The following CDYL variants were observed in gnomAD, a reference collection of about 807,000 sequenced individuals.
CDYL encodes the protein chromodomain Y-like protein.
In CDYL, 8 loss-of-function variants were observed where a neutral mutation model predicts 47.3. The ratio of observed to expected loss-of-function variants is 0.17; its 90% CI spans 0.10 to 0.31. CDYL has a LOEUF of 0.31. Among genes scored for constraint, CDYL ranks in the 10% least tolerant of loss-of-function variants. CDYL has a pLI of 1.00. For synonymous variants in CDYL, 266 were observed against 265.0 expected, an observed-to-expected ratio of 1.00 and a Z score of -0.04; for missense variants, 471 against 701.4, an observed-to-expected ratio of 0.67 and a Z score of 3.71.
intron 2 of CDYL, among the ~76,000 whole-genome samples, chr6:4,906,137 C>T (rs1757227166): frequency 6.6e-6 from 1 of 152,194 alleles, no homozygotes; most frequent in South Asian, 2.1e-4. Context: ...GAAAGTCTGC[C>T]TCTCCCATGG....
At chr6:4,863,522 G>A (rs1289442871) in intron 1 of CDYL, among the ~76,000 whole-genome samples, 2 of 152,234 alleles carry the variant, frequency 1.3e-5, no homozygotes, top group South Asian at 4.1e-4. Context: ...AGCTAACTAG[G>A]TATTGTTTGA....
intron 2 of CDYL, among the ~76,000 whole-genome samples, chr6:4,897,323 C>G (rs1038971702): frequency 6.6e-6 from 1 of 152,248 alleles, no homozygotes; most frequent in Non-Finnish European, 1.5e-5. Context: ...GCCAACAGAC[C>G]TAGTAGGAAA....
chr6:4,777,023 TG>T (rs1250362537), intron 1 of CDYL, among the ~76,000 whole-genome samples: 1,346 of 67,330 alleles, frequency 0.02, 12 homozygotes, highest in African/African-American at 0.044. Flanking sequence ...GGGCGTGGGG[TG>T]GGGGGGGGGG....
intron 2 of CDYL, among the ~76,000 whole-genome samples, chr6:4,723,520 T>C (rs549510686): frequency 3.3e-5 from 5 of 151,818 alleles, no homozygotes; most frequent in African/African-American, 9.7e-5. Context: ...CTAGCAAGAG[T>C]GGGGGCTGCC....
chr6:4,834,131 T>G (rs1760224468), intron 1 of CDYL, among the ~76,000 whole-genome samples: 1 of 151,960 alleles, frequency 6.6e-6, no homozygotes, highest in Admixed American at 6.6e-5. Context: ...GTTAGCTGGT[T>G]ATTTTGCTCA....
intron 1 of CDYL, among the ~76,000 whole-genome samples, chr6:4,778,005 A>C (rs1441224595): frequency 1.3e-5 from 2 of 152,168 alleles, no homozygotes; most frequent in East Asian, 3.9e-4. Flanking sequence ...CAACCATTTT[A>C]CACATTAGCT....
intron 1 of CDYL, among the ~76,000 whole-genome samples, chr6:4,838,134 T>G (rs1354222892): frequency 6.6e-6 from 1 of 152,162 alleles, no homozygotes; most frequent in Non-Finnish European, 1.5e-5. Context: ...TGTGACTCTT[T>G]AAAAGTTTTT....
chr6:4,764,919 A>G (rs1758229349), intron 3 of CDYL, among the ~76,000 whole-genome samples: 1 of 152,252 alleles, frequency 6.6e-6, no homozygotes, highest in African/African-American at 2.4e-5. Flanking sequence ...TAGTCTTTTG[A>G]AGTACCACAT....
intron 2 of CDYL, among the ~76,000 whole-genome samples, chr6:4,892,836 C>G (rs1762089486): frequency 6.6e-6 from 1 of 152,218 alleles, no homozygotes; most frequent in Non-Finnish European, 1.5e-5. Flanking sequence ...CGTTGCTAAC[C>G]CAGCAGAGCC....
intron 2 of CDYL, among the ~76,000 whole-genome samples, 156 bp downstream of exon 2, chr6:4,892,535 G>T (rs1234584987): frequency 6.6e-6 from 1 of 150,684 alleles, no homozygotes; most frequent in Non-Finnish European, 1.5e-5. Flanking sequence ...TTCGCTGGAA[G>T]CCTTTGATAT....
intron 2 of CDYL, among the ~76,000 whole-genome samples, chr6:4,900,810 T>TAGATATAG (rs1561697641): frequency 1.1e-5 from 1 of 94,200 alleles, no homozygotes; most frequent in African/African-American, 4.4e-5. Flanking sequence ...TATATATATA[T>TAGATATAG]ATATATATAT....
At position 4,706,704 on chromosome 6, in the gene CDYL, G is replaced by A. The variant is rs115320012; in HGVS notation, c.-39+453G>A. Among the ~76,000 whole-genome samples the A allele has an allele frequency of 5.2e-3, 794 of 152,210 alleles. 5 individuals are homozygous for A. The highest frequency in any genetic ancestry group is 0.014 in the Middle Eastern group (4 of 294). On this transcript the variant is annotated intron_variant, in intron 1 of 8. Transcript: ENST00000328908. ...CTCTGGAGGCTGAGGAATAAGAATC[G>A]CTTGAATCCTGGAGGCAGAGCCTGC... is the stretch of plus-strand genomic sequence containing the variant.
intron 2 of CDYL, among the ~76,000 whole-genome samples, chr6:4,902,247 A>T (rs1757084399): frequency 6.6e-6 from 1 of 152,048 alleles, no homozygotes; most frequent in African/African-American, 2.4e-5. Context: ...AAAAAAAAAA[A>T]AATACAAAAT....
At chr6:4,784,317 C>CTA (rs1758696232) in intron 1 of CDYL, among the ~76,000 whole-genome samples, 2 of 152,100 alleles carry the variant, frequency 1.3e-5, no homozygotes, top group Admixed American at 1.3e-4. Context: ...CCTACAATTG[C>CTA]TATATGGTAT....
chr6:4,952,085 C>T (rs769676108), intron 5 of CDYL, among the ~76,000 whole-genome samples, 181 bp from the exon 6 acceptor site: 57 of 152,224 alleles, frequency 3.7e-4, no homozygotes, highest in Non-Finnish European at 6.8e-4. Context: ...TACTTTCCCA[C>T]CTGCCCAATG....
rs1758424640 is a variant in CDYL, at chr6:4,943,610, A to G, written c.1186A>G (p.Ile396Val). The part of the protein sequence containing the change: ...PIIVAVNGPA[I>V]GLGASILPLC... ...TATTGTAGCAGTCAATGGCCCAGCC[A>G]TTGGTCTAGGAGCATCTATATTGCC... Residue 396 changes from isoleucine (I) to valine (V), a missense_variant, in exon 5 of 7, where the codon ATT (isoleucine) becomes GTT (valine). Around this residue, in one of 3 missense-constraint regions of CDYL, gnomAD observed 103 missense variants for 277.1 expected, o/e 0.37. Transcript: ENST00000397588. The G allele has an allele frequency of 1.9e-6, 3 of 1,613,762 alleles. No individual in the cohort carries two copies. The highest frequency in any genetic ancestry group is 1.3e-5 in the African/African-American group (1 of 75,044).
chr6:4,895,652 G>A (rs191870645), intron 2 of CDYL, among the ~76,000 whole-genome samples: 1,529 of 152,106 alleles, frequency 0.01, 20 homozygotes, highest in African/African-American at 0.035. Context: ...CGCACGTCCA[G>A]TTTTGGTTGG....
chr6:4,920,530 C>T (rs946357901), intron 2 of CDYL, among the ~76,000 whole-genome samples: 8 of 152,212 alleles, frequency 5.3e-5, no homozygotes, highest in African/African-American at 1.9e-4. Context: ...GTTCCTGGAA[C>T]AGCAGTGCCC....
At chr6:4,776,025 A>G (rs933457320), upstream of CDYL, among the ~76,000 whole-genome samples, 4 of 148,722 alleles carry the variant, frequency 2.7e-5, no homozygotes, top group African/African-American at 9.8e-5. Context: ...TGCGCCTCGA[A>G]CCTCGAGGTC....
Sources: gnomAD v4.1 joint callset for allele counts (sites outside exome capture counted in the v4.1 genomes callset) on GRCh38, gnomAD v4.1.1 for gene constraint, gnomAD v4.1.1 regional missense constraint, MANE v1.5 for transcripts, NCBI Gene and HGNC (gene_info 2026-07-23, HGNC 2026-07-21) for gene names.